Variants in BOD1L1 observed in about 807,000 individuals in gnomAD.
BOD1L1 encodes the protein biorientation of chromosomes in cell division protein 1-like 1.
In BOD1L1, 86 loss-of-function variants were observed where a neutral mutation model predicts 240.7. The ratio of observed to expected loss-of-function variants is 0.36; its 90% confidence interval spans 0.30 to 0.43. The LOEUF is 0.43. Among genes scored for constraint, BOD1L1 ranks in the 20% least tolerant of loss-of-function variants. The pLI, the probability that BOD1L1 is intolerant of heterozygous loss-of-function variation, is 1.00. For synonymous variants in BOD1L1, 1,268 were observed against 1,272.3 expected, an observed-to-expected ratio of 1.00 and a Z score of 0.07; for missense variants, 3,554 against 3,643.5, an observed-to-expected ratio of 0.98 and a Z score of 0.63.
In BOD1L1 at chr4:13,613,179, T is replaced by C. The variant is rs1197928294; in HGVS notation, c.1324+333A>G. Among the ~76,000 whole-genome samples, 1 of 152,176 alleles carries C rather than the reference T, an allele frequency of 6.6e-6. No individual in the cohort carries two copies. The highest frequency in any genetic ancestry group is 1.9e-4 in the East Asian group (1 of 5,200). ...CGGAACTTGCAACTGGTGCCATTAATTGAGGGCAGTGTTGTGGACTACGCT... is the reference window on the plus strand; with the variant it reads ...CGGAACTTGCAACTGGTGCCATTAACTGAGGGCAGTGTTGTGGACTACGCT... On this transcript the variant is annotated intron_variant, in intron 5 of 25. Transcript: ENST00000040738. This position sits in a 1 kb window ranked among gnomAD's most constrained non-coding sequence, Gnocchi z 4.0.
Position 13,604,852 on chromosome 4 carries a change from G to A in BOD1L1, c.2048C>T (p.Ser683Leu), listed in dbSNP as rs1715557158. 11 of 1,611,810 alleles carry A rather than the reference G, an allele frequency of 6.8e-6. No individual in the cohort carries two copies. The highest frequency in any genetic ancestry group is 3.4e-5 in the Admixed American group (2 of 59,592). Residue 683 changes from serine to leucine, a missense_variant, in exon 10 of 26, where the codon TCA becomes TTA. Coordinates refer to ENST00000040738, the MANE Select transcript of BOD1L1 (RefSeq NM_148894.3). Reference sequence around the variant, plus strand: ...CTGGGGCTCTTCGGTGCAAATTTCTGAGCGTTCTACTTGCCTTTTTACATC... The same window carrying A: ...CTGGGGCTCTTCGGTGCAAATTTCTAAGCGTTCTACTTGCCTTTTTACATC... ...TRDVKRQVER[S>L]EICTEEPQKQ... is the part of the protein sequence containing the mutation.
At chr4:13,615,574 A>T in intron 2 of BOD1L1, 72 bp from the exon 3 acceptor site, 1 of 1,337,496 alleles carries the variant, frequency 7.5e-7, no homozygotes, top group Non-Finnish European at 1.0e-6. Context: ...TTAAAATAAC[A>T]CTCTACAATC....
rs751106889 is a variant in BOD1L1 at position 13,600,862 on chromosome 4, G to C, written c.6038C>G (p.Ser2013Cys). The C allele has an allele frequency of 1.2e-6, 2 of 1,613,826 alleles. No individual in the cohort carries two copies. The highest frequency in any genetic ancestry group is 4.5e-5 in the East Asian group (2 of 44,866). Residue 2013 changes from serine (S) to cysteine (C), a missense_variant, in exon 10 of 26, where the codon TCT becomes TGT. Coordinates refer to ENST00000040738, the MANE Select transcript of BOD1L1 (RefSeq NM_148894.3). ...AACTTCACATTCTGGGACTTCACCA[G>C]ATACAAGAACATCGTAACTACCCCC... ...LVGGSYDVLVSGEVPECEVAH... is the reference protein window; with the variant it reads ...LVGGSYDVLVCGEVPECEVAH...
rs3733557 is a variant in BOD1L1 at position 13,599,713 on chromosome 4, G to A, written c.7187C>T (p.Pro2396Leu). ...CPGPVRGGKE[P>L]GPVLAVSTEE... ...GGTGCTCACTGCCAACACGGGACCC[G>A]GTTCTTTGCCTCCCCTGACTGGCCC... The change falls in exon 10 of 26, where the codon CCG (proline) becomes CTG (leucine). Residue 2396 changes from proline to leucine, a missense_variant. This residue lies in a region of BOD1L1 where 3,393 missense variants were observed against 3,427.1 expected (regional missense o/e 0.99). Transcript: ENST00000040738. The A allele has an allele frequency of 0.14, 229,570 of 1,613,550 alleles. 17,276 individuals carry two copies. The highest frequency in any genetic ancestry group is 0.16 in the South Asian group (14,315 of 91,078).
chr4:13,612,709 G>A (rs1489326942), intron 5 of BOD1L1, among the ~76,000 whole-genome samples: 1 of 152,162 alleles, frequency 6.6e-6, no homozygotes, highest in Non-Finnish European at 1.5e-5. Context: ...ATGCCTGACT[G>A]GAGTGTTTCA....
Position 13,600,761 on chromosome 4 carries a change from T to A in BOD1L1, c.6139A>T (p.Met2047Leu). 1 of 1,614,054 alleles carries A rather than the reference T, an allele frequency of 6.2e-7. No individual in the cohort carries two copies. The highest frequency in any genetic ancestry group is 8.5e-7 in the Non-Finnish European group (1 of 1,179,890). ...ATATCACCACTGGCTGTAGTTGCCA[T>A]GAGACCATCACACTCTTCATTTTCT... is the stretch of plus-strand genomic sequence containing the variant. ...SVENEECDGL[M>L]ATTASGDITN... is the part of the protein sequence containing the mutation. Residue 2047 changes from methionine to leucine, a missense_variant, in exon 10 of 26, where the codon ATG becomes TTG. By Grantham distance (15) the Met-to-Leu change is conservative. Transcript: ENST00000040738.
At chr4:13,617,040 A>T (rs1442615598) in intron 2 of BOD1L1, among the ~76,000 whole-genome samples, 2 of 152,124 alleles carry the variant, frequency 1.3e-5, no homozygotes, top group African/African-American at 4.8e-5. Context: ...AGGTCAGGAG[A>T]TCGAGACCAT....
chr4:13,586,404 C>G lies in BOD1L1; in HGVS notation c.8425G>C (p.Asp2809His). 2 of 1,610,830 alleles carry G rather than the reference C, an allele frequency of 1.2e-6. No individual in the cohort carries two copies. Among genetic ancestry groups the G allele is most frequent in the Non-Finnish European group, 1.7e-6 (2 of 1,177,868 alleles). ...QRQCPETEPH[D>H]TKEENSRDLE... ...ATATGTGGAAAAAATACCTTTGTGT[C>G]ATGTGGCTCCGTTTCAGGACACTGC... The change falls in exon 17 of 26, where the codon GAC becomes CAC. Residue 2809 changes from aspartate (D) to histidine (H), a missense_variant. By Grantham distance (81) the Asp-to-His change is moderately conservative (BLOSUM62 -1). Transcript: ENST00000040738.
At position 13,614,562 on chromosome 4, in the gene BOD1L1, C is replaced by T. The variant is rs1327207050; in HGVS notation, c.808G>A (p.Gly270Arg). ...EKSTADSGGEGLETAPKSEEF... is the reference protein window; with the variant it reads ...EKSTADSGGERLETAPKSEEF... ...TCAGACTTTGGGGCTGTTTCCAGTC[C>T]TTCACCTCCAGAGTCAGCTGTAGAT... The change falls in exon 4 of 26, where the codon GGA (glycine) becomes AGA (arginine). Residue 270 changes from glycine to arginine, a missense_variant. Coordinates refer to ENST00000040738, the MANE Select transcript of BOD1L1 (RefSeq NM_148894.3). The T allele has an allele frequency of 6.2e-7, 1 of 1,613,914 alleles. No individual in the cohort carries two copies. The highest frequency in any genetic ancestry group is 1.1e-5 in the South Asian group (1 of 91,082).
At position 13,601,386 on chromosome 4, in the gene BOD1L1, G is replaced by A. The variant is rs1715143000; in HGVS notation, c.5514C>T (p.Gly1838=). The change falls in exon 10 of 26, where the codon GGC becomes GGT. Residue 1838 remains glycine (G), a synonymous_variant. Coordinates refer to ENST00000040738, the MANE Select transcript of BOD1L1 (RefSeq NM_148894.3). ...SAMDSTVAKE[G]TNVPLVAAGP... ...CAGCAGCAACTAATGGTACATTAGTGCCTTCTTTGGCCACTGTGCTGTCCA... is the reference window on the plus strand; with the variant it reads ...CAGCAGCAACTAATGGTACATTAGTACCTTCTTTGGCCACTGTGCTGTCCA... 1.2e-6 allele frequency: 2 copies of A among 1,613,874 alleles called. No homozygotes were observed. The highest frequency in any genetic ancestry group is 8.5e-7 in the Non-Finnish European group (1 of 1,179,910).
intron 13 of BOD1L1, among the ~76,000 whole-genome samples, chr4:13,591,160 T>C (rs1304108399): frequency 6.6e-6 from 1 of 152,096 alleles, no homozygotes; most frequent in African/African-American, 2.4e-5. Flanking sequence ...CCACCTCAAC[T>C]TCCTCAGTAG....
At chr4:13,623,863 G>T (rs1717204586) in intron 1 of BOD1L1, 1 of 152,154 alleles carries the variant, frequency 6.6e-6, no homozygotes, top group South Asian at 2.1e-4. Flanking sequence ...AAGCAGGTCA[G>T]TCTTTGAGGT....
intron 25 of BOD1L1, among the ~76,000 whole-genome samples, chr4:13,574,668 G>A (rs1712538642): frequency 6.6e-6 from 1 of 152,124 alleles, no homozygotes; most frequent in South Asian, 2.1e-4. Context: ...ATGCATGGGT[G>A]TTGGGCTCCA....
chr4:13,615,600 C>T (rs1256036187), intron 2 of BOD1L1, 98 bp from the exon 3 acceptor site: 1 of 1,143,516 alleles, frequency 8.7e-7, no homozygotes, highest in Non-Finnish European at 1.2e-6. Context: ...TCTATCTATC[C>T]ATCCATCCAA....
chr4:13,603,571 T>A lies in BOD1L1; in HGVS notation c.3329A>T (p.Asp1110Val). Residue 1110 changes from aspartate to valine, a missense_variant, in exon 10 of 26, where the codon GAT (aspartate) becomes GTT (valine). This residue lies in a region of BOD1L1 where 3,393 missense variants were observed against 3,427.1 expected (regional missense o/e 0.99). Transcript: ENST00000040738. ...SSLQRPKKSG[D>V]MTLIPEQEPM... ...CTCTTGTTCAGGGATCAATGTCATA[T>A]CACCACTCTTTTTTGGTCTCTGAAG... The A allele has an allele frequency of 6.2e-7, 1 of 1,614,056 alleles. No individual in the cohort carries two copies. The highest frequency in any genetic ancestry group is 1.1e-5 in the South Asian group (1 of 91,090).
chr4:13,605,042 G>C lies in BOD1L1; in HGVS notation c.1858C>G (p.His620Asp), dbSNP rs747230771. 3.2e-6 allele frequency: 5 copies of C among 1,578,806 alleles called. No individual in the cohort carries two copies. Among genetic ancestry groups the C allele is most frequent in the African/African-American group, 1.4e-5 (1 of 73,190 alleles). ...CTTGGTTCACTTTTTGCATGAACAT[G>C]CTTCAGCTCCTTTGAAGAAGAAATT... The part of the protein sequence containing the change: ...EKISSSKELK[H>D]VHAKSEPSKP... Residue 620 changes from histidine (H) to aspartate (D), a missense_variant, in exon 10 of 26, where the codon CAT becomes GAT. His to Asp is a moderately conservative substitution (Grantham distance 81). This residue lies in a region of BOD1L1 where 3,393 missense variants were observed against 3,427.1 expected (regional missense o/e 0.99). Coordinates refer to ENST00000040738, the MANE Select transcript of BOD1L1 (RefSeq NM_148894.3).
At position 13,600,289 on chromosome 4, in the gene BOD1L1, G is replaced by A. The variant is rs1353505041; in HGVS notation, c.6611C>T (p.Pro2204Leu). 1 of 1,614,036 alleles carries A rather than the reference G, an allele frequency of 6.2e-7. No individual in the cohort carries two copies. Among genetic ancestry groups the A allele is most frequent in the Non-Finnish European group, 8.5e-7 (1 of 1,179,892 alleles). ...MPSAPPEAES[P>L]LASTSKEEKD... ...CTCCTCCTTGCTGGTTGAGGCAAGA[G>A]GACTTTCAGCTTCTGGGGGCGCACT... Residue 2204 changes from proline to leucine, a missense_variant, in exon 10 of 26, where the codon CCT becomes CTT. Transcript: ENST00000040738.
Position 13,587,915 on chromosome 4 carries a change from G to C in BOD1L1, c.8281-144C>G, listed in dbSNP as rs1407993928. On this transcript the variant is annotated intron_variant, in intron 15 of 25. Coordinates refer to ENST00000040738, the MANE Select transcript of BOD1L1 (RefSeq NM_148894.3). ...AATCTAGAACACTTGGCCGGGTGCA[G>C]TGGCTCACACCTGTAATCCCAGCAC... 2.1e-5 allele frequency: 12 copies of C among 584,054 alleles called. No homozygotes were observed. The East Asian group carries it at 3.7e-4, about 18-fold the overall frequency. The allele number at this position is 584,054 out of a possible 1,614,324, so 36.2% of individuals were successfully genotyped here. A position where few individuals can be genotyped will look rare whatever the true frequency, so the allele number is the denominator to read the frequency against.
intron 22 of BOD1L1, among the ~76,000 whole-genome samples, chr4:13,578,744 G>A (rs1183548476): frequency 6.6e-6 from 1 of 152,068 alleles, no homozygotes; most frequent in African/African-American, 2.4e-5. Context: ...GTGTAGCTCT[G>A]CAAGTATTAT....
Sources: allele counts gnomAD v4.1 joint callset (sites outside exome capture counted in the v4.1 genomes callset), GRCh38; gene constraint gnomAD v4.1.1; regional missense constraint gnomAD v4.1.1; non-coding constraint Gnocchi (gnomAD v3.1); transcripts MANE v1.5; gene names NCBI Gene and HGNC (gene_info 2026-07-23, HGNC 2026-07-21).